Variants in DYNC1LI1 observed in about 807,000 individuals in gnomAD.
DYNC1LI1 encodes cytoplasmic dynein 1 light intermediate chain 1.
A neutral mutation model predicts 63.8 loss-of-function variants in DYNC1LI1; 19 were observed. The ratio of observed to expected loss-of-function variants is 0.30; its 90% confidence interval spans 0.21 to 0.44. The LOEUF (loss-of-function observed/expected upper bound fraction) is 0.44. DYNC1LI1 is among the 20% of genes least tolerant of loss of function. DYNC1LI1 has a pLI of 1.00. For synonymous variants in DYNC1LI1, 225 were observed against 232.3 expected (o/e 0.97, Z 0.28); for missense variants, 565 against 630.2 (o/e 0.90, Z 1.11).
At chr3:32,537,975 TATATATAA>T (rs1436172834) in intron 5 of DYNC1LI1, among the ~76,000 whole-genome samples, 2 of 31,140 alleles carry the variant, frequency 6.4e-5, no homozygotes, top group African/African-American at 1.7e-4. Flanking sequence ...TATATATATT[TATATATAA>T]TATATATATA....
chr3:32,545,329 G>C, intron 3 of DYNC1LI1: 1 of 561,550 alleles, frequency 1.8e-6, no homozygotes, highest in Non-Finnish European at 3.2e-6. Context: ...TTATCTAAAG[G>C]CCTAAAATGA....
chr3:32,551,504 T>C (rs980274385), intron 2 of DYNC1LI1, among the ~76,000 whole-genome samples: 1 of 152,162 alleles, frequency 6.6e-6, no homozygotes, highest in Non-Finnish European at 1.5e-5. Context: ...ATTCTGAAGA[T>C]GAGGAACCAC....
chr3:32,546,699 AAGGGG>A (rs1697959105), intron 2 of DYNC1LI1, among the ~76,000 whole-genome samples: 1 of 152,110 alleles, frequency 6.6e-6, no homozygotes, highest in Non-Finnish European at 1.5e-5. Context: ...AGGGCCAATC[AAGGGG>A]GAAGGATGGC....
intron 1 of DYNC1LI1, 96 bp downstream of exon 1, chr3:32,570,529 G>T: frequency 6.7e-7 from 1 of 1,489,436 alleles, no homozygotes; most frequent in Non-Finnish European, 9.0e-7. Context: ...CGCAGTGGCC[G>T]GGCCCGGCGC....
At chr3:32,546,640 C>T (rs1344818873) in intron 2 of DYNC1LI1, among the ~76,000 whole-genome samples, 1 of 152,062 alleles carries the variant, frequency 6.6e-6, no homozygotes, top group African/African-American at 2.4e-5. Flanking sequence ...TCTGAAGAAC[C>T]TCAGGTAAAG....
At chr3:32,528,317 A>C in intron 12 of DYNC1LI1, 129 bp downstream of exon 12, 1 of 936,224 alleles carries the variant, frequency 1.1e-6, no homozygotes, top group Admixed American at 2.4e-5. Flanking sequence ...AAATCAGATT[A>C]TGGTGATGGC....
chr3:32,539,189 G>C (rs377533499), intron 5 of DYNC1LI1, among the ~76,000 whole-genome samples: 1 of 152,096 alleles, frequency 6.6e-6, no homozygotes, highest in East Asian at 1.9e-4. Context: ...TTACAGAAAA[G>C]GTGTATGTAA....
intron 2 of DYNC1LI1, among the ~76,000 whole-genome samples, chr3:32,559,080 CAG>C (rs1260336070): frequency 7.0e-6 from 1 of 143,442 alleles, no homozygotes; most frequent in Admixed American, 7.0e-5. Context: ...TTTTTAAAGA[CAG>C]AGTCTATGGT....
At chr3:32,541,245 T>C (rs1399234564) in intron 4 of DYNC1LI1, 39 bp from the exon 5 acceptor site, 1 of 1,372,134 alleles carries the variant, frequency 7.3e-7, no homozygotes, top group East Asian at 2.4e-5. Flanking sequence ...AATTGCTTCA[T>C]TTCAGCAGGT....
rs60912161 is a variant in DYNC1LI1 at position 32,528,112 on chromosome 3, CAAAAAAAAAAAAAAAAAA to C, written c.1462+316_1462+333del. 6.4e-4 allele frequency among the ~76,000 whole-genome samples: 19 copies of C among 29,908 alleles called. No individual in the cohort carries two copies. In the South Asian group the frequency reaches 0.014, roughly 22 times the overall value. The allele number at this position is 29,908 out of a possible 152,430, so 19.6% of individuals were successfully genotyped here. A position where few individuals can be genotyped will look rare whatever the true frequency, so the allele number is the denominator to read the frequency against. On this transcript the variant is annotated intron_variant, in intron 12 of 12. Transcript: ENST00000273130. ...TGGGCAACAGAACAAGACTCCATCTCAAAAAAAAAAAAAAAAAAAAAAAAAAAAAAAAGAAATGAAATA... is the reference window on the plus strand; with the variant it reads ...TGGGCAACAGAACAAGACTCCATCTCAAAAAAAAAAAAAAGAAATGAAATA...
intron 5 of DYNC1LI1, among the ~76,000 whole-genome samples, chr3:32,538,011 A>ATATATAATTTATATATATAT (rs1697816079): frequency 5.1e-5 from 1 of 19,598 alleles, no homozygotes; most frequent in Non-Finnish European, 7.9e-5. Flanking sequence ...TATATATAAT[A>ATATATAATTTATATATATAT]TATATATATA....
chr3:32,569,993 G>C, intron 2 of DYNC1LI1: 1 of 399,854 alleles, frequency 2.5e-6, no homozygotes, highest in Non-Finnish European at 4.6e-6. Flanking sequence ...AGAGCCTCCT[G>C]CTACCAATTT....
intron 5 of DYNC1LI1, among the ~76,000 whole-genome samples, chr3:32,538,207 G>A (rs183098445): frequency 5.0e-5 from 7 of 139,498 alleles, no homozygotes; most frequent in Non-Finnish European, 1.1e-4. Flanking sequence ...AGACTACCTG[G>A]GCAACATAGC....
chr3:32,557,052 C>G (rs938636038), intron 2 of DYNC1LI1, among the ~76,000 whole-genome samples: 1 of 152,144 alleles, frequency 6.6e-6, no homozygotes, highest in African/African-American at 2.4e-5. Context: ...CTTTTTCTAG[C>G]CATTGGACCA....
At chr3:32,548,418 C>G (rs1362898248) in intron 2 of DYNC1LI1, among the ~76,000 whole-genome samples, 1 of 152,200 alleles carries the variant, frequency 6.6e-6, no homozygotes, top group Non-Finnish European at 1.5e-5. Flanking sequence ...GAAAAACTGT[C>G]TTCCATGAAG....
intron 8 of DYNC1LI1, 117 bp from the exon 9 acceptor site, chr3:32,530,637 A>C: frequency 2.2e-6 from 2 of 897,166 alleles, no homozygotes; most frequent in East Asian, 5.3e-5. Context: ...CATTACCTAT[A>C]CTATATTTAT....
At chr3:32,537,936 TAA>T (rs1491563590) in intron 5 of DYNC1LI1, among the ~76,000 whole-genome samples, 2 of 13,054 alleles carry the variant, frequency 1.5e-4, no homozygotes, top group Admixed American at 1.2e-3. Context: ...AATATATATA[TAA>T]TATATATATA....
chr3:32,559,606 A>G (rs896307221), intron 2 of DYNC1LI1, among the ~76,000 whole-genome samples: 2 of 152,204 alleles, frequency 1.3e-5, no homozygotes, highest in Admixed American at 6.5e-5. Flanking sequence ...GTGAAAAATC[A>G]GTAGTCAAAG....
intron 3 of DYNC1LI1, chr3:32,545,394 T>C (rs556583933): frequency 1.7e-4 from 73 of 442,300 alleles, no homozygotes; most frequent in Non-Finnish European, 2.8e-4. Flanking sequence ...AGAGGATGCA[T>C]AACTTGTTTA....
Sources: allele counts gnomAD v4.1 joint callset (sites outside exome capture counted in the v4.1 genomes callset), GRCh38; gene constraint gnomAD v4.1.1; transcripts MANE v1.5; gene names NCBI Gene and HGNC (gene_info 2026-07-23, HGNC 2026-07-21).